PRRC2C: variants seen among roughly 807,000 people sequenced by gnomAD.
The protein encoded by PRRC2C is protein PRRC2C.
A neutral mutation model predicts 317.2 loss-of-function variants in PRRC2C; 72 were observed. The observed-to-expected ratio is 0.23, with a 90% confidence interval of 0.19 to 0.28. PRRC2C has a LOEUF of 0.28. PRRC2C is among the 10% of genes least tolerant of loss of function. The probability of loss-of-function intolerance (pLI) is 1.00; values close to 1 mark genes in which losing one functional copy is unlikely to be tolerated. For synonymous variants in PRRC2C, 1,296 were observed against 1,205.9 expected, an observed-to-expected ratio of 1.07 and a Z score of -1.55; for missense variants, 3,074 against 3,459.7, an observed-to-expected ratio of 0.89 and a Z score of 2.80.
chr1:171,533,684 C>T (rs1004520543), intron 12 of PRRC2C, among the ~76,000 whole-genome samples: 3 of 152,020 alleles, frequency 2.0e-5, no homozygotes, highest in East Asian at 1.9e-4. Context: ...AGTGCAGTGG[C>T]GGAATCTCAG....
At chr1:171,514,846 T>A (rs368966198) in intron 4 of PRRC2C, among the ~76,000 whole-genome samples, 10 of 152,236 alleles carry the variant, frequency 6.6e-5, no homozygotes, top group African/African-American at 2.2e-4. Flanking sequence ...GTCAATGATA[T>A]TGGTTAAGGA....
rs772844674 is a variant in PRRC2C at position 171,545,518 on chromosome 1, C to T, written c.4803C>T (p.Asp1601=). 2 of 1,585,894 alleles carry T rather than the reference C, an allele frequency of 1.3e-6. No individual in the cohort carries two copies. The highest frequency in any genetic ancestry group is 1.7e-6 in the Non-Finnish European group (2 of 1,165,580). Residue 1601 remains aspartate, a synonymous_variant, in exon 17 of 35, where the codon GAC becomes GAT. Transcript: ENST00000647382. ...AGCCTGCAGGCACAACTGGGGTTGA[C>T]CTCATCAATGGCAGCTCTGCACACC... ...DDQPAGTTGV[D]LINGSSAHHQ...
At position 171,587,226 on chromosome 1, in the gene PRRC2C, G is replaced by A. The variant is rs1367335817; in HGVS notation, c.7968+5G>A. ...ATGATTGCAACCACAGGAAAAGTAA[G>A]TAAAGAGACATTTGCACAGGTTATT... On this transcript the variant is annotated splice_donor_5th_base_variant and intron_variant, in intron 31 of 34. Coordinates refer to ENST00000647382, the MANE Select transcript of PRRC2C (RefSeq NM_001387844.1). 1 of 1,585,282 alleles carries A rather than the reference G, an allele frequency of 6.3e-7. No individual in the cohort carries two copies. Among genetic ancestry groups the A allele is most frequent in the Non-Finnish European group, 8.6e-7 (1 of 1,163,596 alleles).
rs377043509 is a variant in PRRC2C at position 171,587,648 on chromosome 1, A to G, written c.7969A>G (p.Met2657Val). 11 of 1,591,256 alleles carry G rather than the reference A, an allele frequency of 6.9e-6. No individual in the cohort carries two copies. In the African/African-American group the frequency reaches 1.3e-4, roughly 19 times the overall value. ...AAGTTTATTTTATGCTTCTCCTCAG[A>G]TGTCTGAAATGGAACTAAAAGCCTT... ...QHSMIATTGK[M>V]SEMELKAFGS... Residue 2657 changes from methionine (M) to valine (V), a missense_variant and splice_region_variant, in exon 32 of 35, where the codon ATG becomes GTG. Physicochemically the swap from Met to Val is conservative, Grantham distance 21 (BLOSUM62 1). This residue lies in a region of PRRC2C where 490 missense variants were observed against 663.1 expected (regional missense o/e 0.74). Coordinates refer to ENST00000647382, the MANE Select transcript of PRRC2C (RefSeq NM_001387844.1).
chr1:171,523,583 T>C, intron 9 of PRRC2C, 61 bp downstream of exon 9: 1 of 1,327,018 alleles, frequency 7.5e-7, no homozygotes, highest in South Asian at 1.3e-5. Flanking sequence ...ATTAGCTACT[T>C]ATGCAAAGAA....
At chr1:171,491,732 T>TTTA (rs1231846254) in intron 1 of PRRC2C, among the ~76,000 whole-genome samples, 4 of 152,182 alleles carry the variant, frequency 2.6e-5, no homozygotes, top group Admixed American at 2.6e-4. Flanking sequence ...ATTAAATATT[T>TTTA]TTATTAATCA....
At chr1:171,491,970 A>G (rs1667239535) in intron 1 of PRRC2C, among the ~76,000 whole-genome samples, 1 of 152,224 alleles carries the variant, frequency 6.6e-6, no homozygotes. Flanking sequence ...TTGAAGAAGC[A>G]CAATAGGGAA....
chr1:171,486,764 T>G (rs1666207440), intron 1 of PRRC2C, among the ~76,000 whole-genome samples: 1 of 152,168 alleles, frequency 6.6e-6, no homozygotes, highest in South Asian at 2.1e-4. Flanking sequence ...ATTTTTTGAT[T>G]GTTGAGTACT....
chr1:171,528,207 CCT>C (rs1412698533), intron 11 of PRRC2C, among the ~76,000 whole-genome samples: 1 of 152,016 alleles, frequency 6.6e-6, no homozygotes, highest in African/African-American at 2.4e-5. Flanking sequence ...TTCACAAAAA[CCT>C]CTCTCTTTAC....
chr1:171,535,922 C>T (rs1676750867), intron 13 of PRRC2C, 107 bp from the exon 14 acceptor site: 11 of 1,386,670 alleles, frequency 7.9e-6, no homozygotes, highest in Non-Finnish European at 1.1e-5. Flanking sequence ...TGAACTCTTA[C>T]TTTTCCTTCA....
chr1:171,514,953 T>C lies in PRRC2C; in HGVS notation c.400+308T>C, dbSNP rs545973239. On this transcript the variant is annotated intron_variant, in intron 4 of 34. Coordinates refer to ENST00000647382, the MANE Select transcript of PRRC2C (RefSeq NM_001387844.1). ...ACCTTCAAAGTATCCAGCCATCGCATAGATTGTTAGAAACCATACTCATTT... is the reference window on the plus strand; with the variant it reads ...ACCTTCAAAGTATCCAGCCATCGCACAGATTGTTAGAAACCATACTCATTT... 3.2e-4 allele frequency among the ~76,000 whole-genome samples: 48 copies of C among 152,350 alleles called. No homozygotes were observed. In the South Asian group the frequency reaches 9.9e-3, roughly 32 times the overall value.
intron 28 of PRRC2C, among the ~76,000 whole-genome samples, chr1:171,581,335 T>G (rs1338646036): frequency 6.6e-6 from 1 of 152,222 alleles, no homozygotes; most frequent in East Asian, 1.9e-4. Flanking sequence ...ATTGGCTGCT[T>G]GAAACACTGT....
intron 20 of PRRC2C, among the ~76,000 whole-genome samples, chr1:171,563,828 C>T (rs1034205090): frequency 7.2e-5 from 11 of 152,062 alleles, no homozygotes; most frequent in Non-Finnish European, 1.0e-4. Flanking sequence ...CATGATTAGT[C>T]ATAGAGAGCA....
intron 1 of PRRC2C, among the ~76,000 whole-genome samples, chr1:171,501,928 A>G (rs1669184877): frequency 6.6e-6 from 1 of 152,198 alleles, no homozygotes; most frequent in Non-Finnish European, 1.5e-5. Flanking sequence ...TTTTTCCTCC[A>G]GTGGCTTTTC....
rs758565512 is a variant in PRRC2C at position 171,545,589 on chromosome 1, A to G, written c.4874A>G (p.Asp1625Gly). 3 of 1,611,244 alleles carry G rather than the reference A, an allele frequency of 1.9e-6. No homozygotes were observed. Among genetic ancestry groups the G allele is most frequent in the South Asian group, 2.2e-5 (2 of 90,200 alleles). Reference sequence around the variant, plus strand: ...GGTACAGGACAAAAGAACTCCAAAGATTCTACTGGGAAAAAAAGAGAAGAC... The same window carrying G: ...GGTACAGGACAAAAGAACTCCAAAGGTTCTACTGGGAAAAAAAGAGAAGAC... ...PNGTGQKNSK[D>G]STGKKREDPK... Residue 1625 changes from aspartate (D) to glycine (G), a missense_variant, in exon 17 of 35, where the codon GAT (aspartate) becomes GGT (glycine). Transcript: ENST00000647382.
chr1:171,527,868 G>A, intron 11 of PRRC2C, 24 bp downstream of exon 11: 1 of 1,545,850 alleles, frequency 6.5e-7, no homozygotes. Context: ...GCTTGTTTAT[G>A]GATTATATAT....
At position 171,540,331 on chromosome 1, in the gene PRRC2C, C is replaced by T; in HGVS notation, c.2865C>T (p.Cys955=). ...GCATTCCTAAAGTAACCAGCAGATGCATTGATTCAAAAGAACCAATAGAAA... is the reference window on the plus strand; with the variant it reads ...GCATTCCTAAAGTAACCAGCAGATGTATTGATTCAAAAGAACCAATAGAAA... ...SAGIPKVTSR[C]IDSKEPIERP... The change falls in exon 16 of 35, where the codon TGC becomes TGT. Residue 955 remains cysteine (C), a synonymous_variant. Transcript: ENST00000647382. The T allele has an allele frequency of 1.2e-6, 2 of 1,613,302 alleles. No individual in the cohort carries two copies. Among genetic ancestry groups the T allele is most frequent in the Non-Finnish European group, 1.7e-6 (2 of 1,179,690 alleles).
chr1:171,555,727 A>G (rs1681241453), intron 18 of PRRC2C, among the ~76,000 whole-genome samples: 1 of 152,140 alleles, frequency 6.6e-6, no homozygotes, highest in Non-Finnish European at 1.5e-5. Flanking sequence ...CAGGTCCCTC[A>G]GCTGCAGGTC....
chr1:171,539,947 A>G (rs755969170), intron 15 of PRRC2C, 24 bp from the exon 16 acceptor site: 1 of 1,554,980 alleles, frequency 6.4e-7, no homozygotes, highest in Admixed American at 1.9e-5. Flanking sequence ...TGTTGATTAT[A>G]CCTTTGAATT....
Sources: gnomAD v4.1 joint callset for allele counts (sites outside exome capture counted in the v4.1 genomes callset) on GRCh38, gnomAD v4.1.1 for gene constraint, gnomAD v4.1.1 regional missense constraint, MANE v1.5 for transcripts, NCBI Gene and HGNC (gene_info 2026-07-23, HGNC 2026-07-21) for gene names.